PLXNA2: variants seen among roughly 807,000 people sequenced by gnomAD.
PLXNA2 encodes the protein plexin-A2.
In PLXNA2, 91 loss-of-function variants were observed where a neutral mutation model predicts 193.5. The ratio of observed to expected loss-of-function variants is 0.47; its 90% CI spans 0.40 to 0.56. The LOEUF is 0.56. Among genes scored for constraint, PLXNA2 ranks in the 20% least tolerant of loss-of-function variants. PLXNA2 has a pLI of 0.00. For missense variants in PLXNA2, 1,995 were observed against 2,503.2 expected (o/e 0.80, Z 4.33); for synonymous variants, 997 against 1,027.3 (o/e 0.97, Z 0.56).
At chr1:208,092,995 C>T (rs1231359811) in intron 8 of PLXNA2, 95 bp from the exon 9 acceptor site, 2 of 791,466 alleles carry the variant, frequency 2.5e-6, no homozygotes, top group Non-Finnish European at 4.2e-6. Flanking sequence ...GTGTTTAAAT[C>T]CTAGTCTCAT....
intron 12 of PLXNA2, among the ~76,000 whole-genome samples, chr1:208,068,170 C>T (rs556251791): frequency 5.9e-5 from 9 of 152,304 alleles, no homozygotes; most frequent in South Asian, 2.1e-4. Context: ...ATCCTTAGCA[C>T]GCTGCCTGGA....
intron 9 of PLXNA2, among the ~76,000 whole-genome samples, chr1:208,092,070 C>A (rs564899675): frequency 6.6e-6 from 1 of 152,278 alleles, no homozygotes; most frequent in African/African-American, 2.4e-5. Context: ...GAAAGGGAGA[C>A]TGAGCAAGCA....
chr1:208,186,106 C>T (rs186843005), intron 3 of PLXNA2, among the ~76,000 whole-genome samples: 35 of 152,286 alleles, frequency 2.3e-4, no homozygotes, highest in African/African-American at 7.7e-4. Context: ...CTTCATCACC[C>T]TGCATCATCA....
At position 208,056,412 on chromosome 1, in the gene PLXNA2, T is replaced by A. The variant is rs186350675; in HGVS notation, c.2739-1874A>T. Among the ~76,000 whole-genome samples, 20 of 152,256 alleles carry A rather than the reference T, an allele frequency of 1.3e-4. No homozygotes were observed. The East Asian group carries it at 3.3e-3, about 25-fold the overall frequency. On this transcript the variant is annotated intron_variant, in intron 13 of 31. Transcript: ENST00000367033. ...GAAGAAATCATCACAGGCTTGAAGT[T>A]AAGGAAAAAAGAAAAAAGAGAACAT... is the stretch of plus-strand genomic sequence containing the variant.
At chr1:208,098,537 T>C (rs76883842) in intron 6 of PLXNA2, among the ~76,000 whole-genome samples, 2,263 of 151,646 alleles carry the variant, frequency 0.015, 84 homozygotes, top group East Asian at 0.1. Context: ...TGGAGAATTG[T>C]AAATGCAGCA....
intron 3 of PLXNA2, among the ~76,000 whole-genome samples, chr1:208,188,302 A>G (rs748440677): frequency 1.3e-5 from 2 of 152,196 alleles, no homozygotes; most frequent in Admixed American, 1.3e-4. Context: ...AAAAGACACA[A>G]CAAAGGTATG....
chr1:208,033,837 T>C (rs2102304486), intron 27 of PLXNA2, among the ~76,000 whole-genome samples: 1 of 152,332 alleles, frequency 6.6e-6, no homozygotes, highest in African/African-American at 2.4e-5. Flanking sequence ...TTTTCGTCGG[T>C]GTTTTAATAG....
intron 3 of PLXNA2, among the ~76,000 whole-genome samples, chr1:208,199,285 G>T (rs1051954554): frequency 1.3e-5 from 2 of 152,196 alleles, no homozygotes; most frequent in Non-Finnish European, 2.9e-5. Flanking sequence ...GGTACAAGAA[G>T]CTCAGCTGGA....
chr1:208,182,289 C>T (rs536592500), intron 3 of PLXNA2, among the ~76,000 whole-genome samples: 1 of 152,178 alleles, frequency 6.6e-6, no homozygotes, highest in African/African-American at 2.4e-5. Flanking sequence ...AAAAATTAGC[C>T]GGGCATGGTG....
chr1:208,041,859 T>TCCGA (rs1664881158), intron 22 of PLXNA2, among the ~76,000 whole-genome samples: 1 of 152,216 alleles, frequency 6.6e-6, no homozygotes, highest in South Asian at 2.1e-4. Flanking sequence ...CCAGCTGAGA[T>TCCGA]CCGAGCAAGG....
At chr1:208,120,073 C>T (rs1667757178) in intron 4 of PLXNA2, among the ~76,000 whole-genome samples, 1 of 152,180 alleles carries the variant, frequency 6.6e-6, no homozygotes, top group African/African-American at 2.4e-5. Context: ...AAGCACAGGG[C>T]TTTGGTGTCT....
At chr1:208,045,789 C>T in intron 18 of PLXNA2, 89 bp downstream of exon 18, 2 of 1,501,696 alleles carry the variant, frequency 1.3e-6, no homozygotes, top group Admixed American at 1.8e-5. Context: ...GAAAGGAGAG[C>T]CAGAAAGAAA....
At chr1:208,076,743 T>C (rs528460729) in intron 12 of PLXNA2, among the ~76,000 whole-genome samples, 3 of 152,240 alleles carry the variant, frequency 2.0e-5, no homozygotes, top group South Asian at 2.1e-4. Context: ...GAATGCCACA[T>C]GGGATCCTGG....
intron 3 of PLXNA2, among the ~76,000 whole-genome samples, chr1:208,198,424 G>T (rs575459301): frequency 6.6e-6 from 1 of 152,378 alleles, no homozygotes; most frequent in South Asian, 2.1e-4. Context: ...TTACCCAGCA[G>T]CTTTTGGCCT....
chr1:208,086,114 T>C (rs1221802957), intron 9 of PLXNA2, among the ~76,000 whole-genome samples: 3 of 152,142 alleles, frequency 2.0e-5, no homozygotes, highest in Non-Finnish European at 4.4e-5. Flanking sequence ...CATGATTGCT[T>C]TTGACACACA....
In PLXNA2 at chr1:208,216,841, C is replaced by T. The variant is rs200774108; in HGVS notation, c.1082G>A (p.Arg361Gln). 91 of 1,614,002 alleles carry T rather than the reference C, an allele frequency of 5.6e-5. 1 individual carries two copies. Among genetic ancestry groups the T allele is most frequent in the South Asian group, 3.6e-4 (33 of 91,086 alleles). ...DDSALCAFPI[R>Q]AINLQIKERL... ...CTCCTTGATCTGCAAGTTGATGGCC[C>T]GGATAGGGAAGGCACACAGGGCAGA... Residue 361 changes from arginine to glutamine, a missense_variant, in exon 2 of 32, where the codon CGG becomes CAG. Coordinates refer to ENST00000367033, the MANE Select transcript of PLXNA2 (RefSeq NM_025179.4).
At chr1:208,036,153 G>T (rs841863) in intron 26 of PLXNA2, among the ~76,000 whole-genome samples, 8,471 of 152,114 alleles carry the variant, frequency 0.056, 383 homozygotes, top group African/African-American at 0.11. Flanking sequence ...GGACTGGGAG[G>T]GGGGCAGTCT....
intron 4 of PLXNA2, among the ~76,000 whole-genome samples, chr1:208,105,419 C>T (rs1406049427): frequency 6.6e-6 from 1 of 152,170 alleles, no homozygotes; most frequent in Non-Finnish European, 1.5e-5. Flanking sequence ...GGATTTCTGC[C>T]CTCAGAGGAA....
Position 208,027,140 on chromosome 1 carries a change from G to C in PLXNA2, c.*103C>G. 1 of 1,071,868 alleles carries C rather than the reference G, an allele frequency of 9.3e-7. No individual in the cohort carries two copies. The highest frequency in any genetic ancestry group is 2.4e-5 in the East Asian group (1 of 40,920). 66.4% of individuals were successfully genotyped at this position (1,071,868 alleles called of 1,614,324 possible). A position where few individuals can be genotyped will look rare whatever the true frequency, so the allele number is the denominator to read the frequency against. On this transcript the variant is annotated 3_prime_UTR_variant, in exon 32 of 32. Transcript: ENST00000367033. ...CCCCAGGATGGGGTCTCAGGGGACA[G>C]CAAGCTCTGGGGCCTGATCCCCATC...
Sources: allele counts gnomAD v4.1 joint callset (sites outside exome capture counted in the v4.1 genomes callset), GRCh38; gene constraint gnomAD v4.1.1; transcripts MANE v1.5; gene names NCBI Gene and HGNC (gene_info 2026-07-23, HGNC 2026-07-21).